PRKAR1A: variants seen among roughly 807,000 people sequenced by gnomAD.
The protein encoded by PRKAR1A is protein kinase cAMP-dependent type I regulatory subunit alpha.
PRKAR1A carries 3 observed loss-of-function variants against 52.0 expected under a neutral mutation model. The ratio of observed to expected loss-of-function variants is 0.06; its 90% CI spans 0.03 to 0.15. The LOEUF is 0.15. Among genes scored for constraint, PRKAR1A ranks in the 10% least tolerant of loss-of-function variants. The pLI, the probability that PRKAR1A is intolerant of heterozygous loss-of-function variation, is 1.00. For synonymous variants in PRKAR1A, 188 were observed against 168.4 expected (o/e 1.12, Z -0.90); for missense variants, 240 against 477.4 (o/e 0.50, Z 4.63).
intron 11 of PRKAR1A, chr17:68,541,459 G>C (rs1324279280): frequency 5.2e-6 from 1 of 191,138 alleles, no homozygotes; most frequent in African/African-American, 2.3e-5. Context: ...AATTCTGCCT[G>C]GTTACTTCTT....
the PRKAR1A span, among the ~76,000 whole-genome samples, chr17:68,433,224 C>T: frequency 9.6e-4 from 147 of 152,350 alleles, no homozygotes; most frequent in Middle Eastern, 3.4e-3. Context: ...ATTATCTTCC[C>T]GGGATCTCTG....
the PRKAR1A span, among the ~76,000 whole-genome samples, chr17:68,436,204 G>A: frequency 1.3e-5 from 2 of 152,186 alleles, no homozygotes; most frequent in Non-Finnish European, 2.9e-5. Flanking sequence ...GGCTTATGGT[G>A]AGGTTGACTC....
the PRKAR1A span, chr17:68,440,559 G>A: frequency 3.3e-5 from 5 of 152,184 alleles, no homozygotes; most frequent in African/African-American, 1.2e-4. Context: ...GAACATCTGA[G>A]CATATTTTCT....
chr17:68,435,858 G>A, the PRKAR1A span: 2 of 713,942 alleles, frequency 2.8e-6, no homozygotes, highest in Non-Finnish European at 4.8e-6. Context: ...CTGCATGTAA[G>A]CTGTGTGTCA....
In PRKAR1A at chr17:68,532,560, C is replaced by G. The variant is rs1339475723; in HGVS notation, c.*2111C>G. ...GGCATAATTTGTCTTAGTTGATATT[C>G]AAGGCTTTAAAAGTCATTATTCCTG... On this transcript the variant is annotated 3_prime_UTR_variant, in exon 11 of 11. Transcript: ENST00000589228. The G allele has an allele frequency of 3.8e-6, 4 of 1,065,738 alleles. No individual in the cohort carries two copies. The highest frequency in any genetic ancestry group is 4.5e-6 in the Non-Finnish European group (4 of 879,426). The allele number at this position is 1,065,738 out of a possible 1,614,324, so 66.0% of individuals were successfully genotyped here. A position where few individuals can be genotyped will look rare whatever the true frequency, so the allele number is the denominator to read the frequency against.
At chr17:68,419,352 A>G in the PRKAR1A span, among the ~76,000 whole-genome samples, 1 of 152,060 alleles carries the variant, frequency 6.6e-6, no homozygotes, top group Non-Finnish European at 1.5e-5. Context: ...TGAGGTTAGG[A>G]GTTCGAGACC....
At chr17:68,415,794 C>T in the PRKAR1A span, among the ~76,000 whole-genome samples, 1 of 152,042 alleles carries the variant, frequency 6.6e-6, no homozygotes, top group Non-Finnish European at 1.5e-5. Flanking sequence ...TTTTAACTGC[C>T]GTTGCTTTAA....
the PRKAR1A span, among the ~76,000 whole-genome samples, chr17:68,470,901 A>AC: frequency 6.6e-6 from 1 of 152,244 alleles, no homozygotes; most frequent in Non-Finnish European, 1.5e-5. Context: ...GGTGACTGCC[A>AC]CCCCCAAATC....
intron 11 of PRKAR1A, among the ~76,000 whole-genome samples, chr17:68,546,566 C>T (rs536252596): frequency 8.1e-4 from 123 of 152,104 alleles, no homozygotes; most frequent in Non-Finnish European, 1.4e-3. Context: ...CGTGGTGGCT[C>T]GCGCCTATAA....
intron 11 of PRKAR1A, chr17:68,540,941 A>T: frequency 6.3e-7 from 1 of 1,594,608 alleles, no homozygotes; most frequent in Non-Finnish European, 8.6e-7. Context: ...GTCACAGTAA[A>T]GGGGATTGAC....
At chr17:68,550,970 G>C in intron 11 of PRKAR1A, 1 of 949,000 alleles carries the variant, frequency 1.1e-6, no homozygotes, top group Non-Finnish European at 1.4e-6. Context: ...CCCTTGAATG[G>C]CTGAAGGTTT....
At position 68,525,932 on chromosome 17, in the gene PRKAR1A, G is replaced by T. The variant is rs1157727350; in HGVS notation, c.708+20G>T. The T allele has an allele frequency of 5.0e-6, 8 of 1,612,890 alleles. No homozygotes were observed. Among genetic ancestry groups the T allele is most frequent in the Non-Finnish European group, 6.8e-6 (8 of 1,179,290 alleles). ...CTCATGGTAAGAGACCATGGTGTTT[G>T]AGAGTGTGATTTAGAATTCTCATCT... On this transcript the variant is annotated intron_variant, in intron 7 of 10. Coordinates refer to ENST00000589228, the MANE Select transcript of PRKAR1A (RefSeq NM_002734.5).
intron 11 of PRKAR1A, among the ~76,000 whole-genome samples, chr17:68,542,373 C>T (rs529891184): frequency 4.6e-5 from 7 of 152,288 alleles, no homozygotes; most frequent in Admixed American, 3.9e-4. Context: ...TTTCAAATGT[C>T]CCAACCTTAC....
At chr17:68,501,675 C>T in the PRKAR1A span, among the ~76,000 whole-genome samples, 1 of 152,146 alleles carries the variant, frequency 6.6e-6, no homozygotes, top group Non-Finnish European at 1.5e-5. Context: ...CTAGGCTGGT[C>T]TCAAACTCCT....
At chr17:68,436,775 T>C in the PRKAR1A span, among the ~76,000 whole-genome samples, 1 of 152,078 alleles carries the variant, frequency 6.6e-6, no homozygotes, top group East Asian at 1.9e-4. Flanking sequence ...GGCGGGCGGA[T>C]CACTTGAGGT....
the PRKAR1A span, chr17:68,427,161 C>G: frequency 1.9e-6 from 3 of 1,614,062 alleles, no homozygotes; most frequent in Non-Finnish European, 2.5e-6. Context: ...TGAAGATGCA[C>G]TTGGTCTGGC....
At chr17:68,474,649 A>G in the PRKAR1A span, among the ~76,000 whole-genome samples, 2 of 152,166 alleles carry the variant, frequency 1.3e-5, no homozygotes, top group Non-Finnish European at 2.9e-5. Flanking sequence ...TAATCCCAAC[A>G]CTTTGGGAGG....
At chr17:68,487,885 T>C in the PRKAR1A span, among the ~76,000 whole-genome samples, 1 of 151,348 alleles carries the variant, frequency 6.6e-6, no homozygotes, top group Non-Finnish European at 1.5e-5. Context: ...GATAGTGTTC[T>C]GGGTATCAGA....
chr17:68,479,972 T>A, the PRKAR1A span, among the ~76,000 whole-genome samples: 1 of 152,178 alleles, frequency 6.6e-6, no homozygotes, highest in Non-Finnish European at 1.5e-5. Flanking sequence ...CTCACTATCA[T>A]GAGAACAGCA....
Sources: allele counts gnomAD v4.1 joint callset (sites outside exome capture counted in the v4.1 genomes callset), GRCh38; gene constraint gnomAD v4.1.1; transcripts MANE v1.5; gene names NCBI Gene and HGNC (gene_info 2026-07-23, HGNC 2026-07-21).